Variants in ZSWIM4 observed in about 807,000 individuals in gnomAD.
ZSWIM4 encodes the protein zinc finger SWIM domain-containing protein 4.
In ZSWIM4, 62 loss-of-function variants were observed where a neutral mutation model predicts 102.5. The observed-to-expected ratio is 0.60, with a 90% CI of 0.49 to 0.75. The LOEUF is 0.75. Ranked by LOEUF, ZSWIM4 falls within the 30% of genes least tolerant of loss-of-function variation. The pLI is 0.00. For missense variants in ZSWIM4, 1,280 were observed against 1,529.6 expected (o/e 0.84, Z 2.72); for synonymous variants, 652 against 674.5 (o/e 0.97, Z 0.52).
chr19:13,811,584 A>G (rs1025016451), intron 5 of ZSWIM4, among the ~76,000 whole-genome samples: 2 of 152,226 alleles, frequency 1.3e-5, no homozygotes, highest in South Asian at 2.1e-4. Context: ...ACTCCCTACT[A>G]CTTGGAAGGC....
At chr19:13,817,103 G>T in intron 7 of ZSWIM4, 113 bp from the exon 8 acceptor site, 1 of 1,409,888 alleles carries the variant, frequency 7.1e-7, no homozygotes, top group East Asian at 2.3e-5. Context: ...TGGGTGAGCA[G>T]GTGGTGGGCA....
chr19:13,817,773 GGA>G lies in ZSWIM4; in HGVS notation c.1723_1724del (p.Ser575ProfsTer51). On this transcript the variant is annotated frameshift_variant, in exon 9 of 14. Transcript: ENST00000590508. LOFTEE classifies it high-confidence loss of function. ...GCCTACCAGCACGTGCCTGTGCCCG[GGA>G]GCCCTGGGGAGTCCTACTTGGTGCT... The G allele has an allele frequency of 6.2e-7, 1 of 1,601,124 alleles. No homozygotes were observed. The highest frequency in any genetic ancestry group is 8.5e-7 in the Non-Finnish European group (1 of 1,175,212).
intron 13 of ZSWIM4, among the ~76,000 whole-genome samples, chr19:13,829,077 C>T (rs1176646756): frequency 6.6e-6 from 1 of 151,348 alleles, no homozygotes; most frequent in East Asian, 1.9e-4. Context: ...GCACTCCAGC[C>T]TGGGCAACAG....
At chr19:13,830,118 G>T in intron 13 of ZSWIM4, 73 bp from the exon 14 acceptor site, 1 of 1,543,354 alleles carries the variant, frequency 6.5e-7, no homozygotes, top group East Asian at 2.3e-5. Flanking sequence ...GCAGTGTCAT[G>T]GTTAACCCAC....
rs1290379623 is a variant in ZSWIM4 at position 13,832,050 on chromosome 19, T to G, written c.*1000T>G. 1 of 145,954 alleles carries G rather than the reference T, an allele frequency of 6.9e-6. No homozygotes were observed. Among genetic ancestry groups the G allele is most frequent in the Non-Finnish European group, 1.5e-5 (1 of 66,666 alleles). The allele number at this position is 145,954 out of a possible 1,614,324, so 9.0% of individuals were successfully genotyped here. A position where few individuals can be genotyped will look rare whatever the true frequency, so the allele number is the denominator to read the frequency against. ...CACCCCCACATCTTTTCCCTTCTTG[T>G]ATATTAAGGACAAAATACCACATCA... On this transcript the variant is annotated 3_prime_UTR_variant, in exon 14 of 14. Transcript: ENST00000590508.
intron 5 of ZSWIM4, 34 bp from the exon 6 acceptor site, chr19:13,812,963 G>T: frequency 6.4e-7 from 1 of 1,568,442 alleles, no homozygotes; most frequent in Non-Finnish European, 8.7e-7. Context: ...GCCACTGTTG[G>T]CAGGAATATT....
At chr19:13,807,547 A>T (rs910693832) in intron 3 of ZSWIM4, among the ~76,000 whole-genome samples, 1 of 151,398 alleles carries the variant, frequency 6.6e-6, no homozygotes, top group African/African-American at 2.4e-5. Context: ...AAATGGATGA[A>T]TGAGCTCCTG....
intron 5 of ZSWIM4, 79 bp from the exon 6 acceptor site, chr19:13,812,918 G>A: frequency 6.9e-7 from 1 of 1,454,108 alleles, no homozygotes; most frequent in Non-Finnish European, 9.4e-7. Context: ...ATCATCAGGT[G>A]GCACACAGTG....
chr19:13,807,481 T>A (rs1162137578), intron 3 of ZSWIM4, among the ~76,000 whole-genome samples: 2 of 151,784 alleles, frequency 1.3e-5, no homozygotes, highest in East Asian at 3.9e-4. Context: ...AGATGTGTAG[T>A]GTTTCAGGAG....
chr19:13,817,931 C>G lies in ZSWIM4; in HGVS notation c.1879C>G (p.Arg627Gly). 1 of 1,542,616 alleles carries G rather than the reference C, an allele frequency of 6.5e-7. No individual in the cohort carries two copies. The highest frequency in any genetic ancestry group is 1.2e-5 in the South Asian group (1 of 82,648). ...ALLEEVELDE[R>G]LVQVLRKQAG... Reference sequence around the variant, plus strand: ...GCTGGAGGAGGTGGAGTTGGATGAGCGGTTGGTGCAGGTGCTGCGCAAGCA... The same window carrying G: ...GCTGGAGGAGGTGGAGTTGGATGAGGGGTTGGTGCAGGTGCTGCGCAAGCA... The change falls in exon 9 of 14, where the codon CGG (arginine) becomes GGG (glycine). Residue 627 changes from arginine (R) to glycine (G), a missense_variant. Coordinates refer to ENST00000590508, the MANE Select transcript of ZSWIM4 (RefSeq NM_001367834.3).
rs115621441 is a variant in ZSWIM4, at chr19:13,817,855, G to A, written c.1803G>A (p.Gly601=). 1.0e-3 allele frequency: 1,604 copies of A among 1,559,130 alleles called. 13 individuals carry two copies. In the African/African-American group the frequency reaches 0.019, roughly 19 times the overall value. ...GGCAGCAGCGGGCCCTGCCGGAGGG[G>A]CTGTACGCCCAGGACAAGGTGGTGC... ...GLGQQRALPE[G]LYAQDKVVRN... is the part of the protein sequence containing the mutation. Residue 601 remains glycine (G), a synonymous_variant, in exon 9 of 14, where the codon GGG becomes GGA. Coordinates refer to ENST00000590508, the MANE Select transcript of ZSWIM4 (RefSeq NM_001367834.3).
At chr19:13,796,750 T>G (rs1974622479) in intron 1 of ZSWIM4, 1 of 152,282 alleles carries the variant, frequency 6.6e-6, no homozygotes, top group Non-Finnish European at 1.5e-5. Context: ...GTCCCCTTTT[T>G]CAGCTTCAGT....
In ZSWIM4 at chr19:13,831,220, G is replaced by C; in HGVS notation, c.*170G>C. 1.2e-6 allele frequency: 1 copy of C among 825,046 alleles called. No individual in the cohort carries two copies. The highest frequency in any genetic ancestry group is 1.8e-6 in the Non-Finnish European group (1 of 549,676). The allele number at this position is 825,046 out of a possible 1,614,324, so 51.1% of individuals were successfully genotyped here. ...CTGCCACGTGTGTGCCTGGGAGTCT[G>C]TGAGCAAGTGTGCAAGACTCCAGAA... is the stretch of plus-strand genomic sequence containing the variant. On this transcript the variant is annotated 3_prime_UTR_variant, in exon 14 of 14. Coordinates refer to ENST00000590508, the MANE Select transcript of ZSWIM4 (RefSeq NM_001367834.3).
At chr19:13,808,515 C>T (rs1391909023) in intron 3 of ZSWIM4, among the ~76,000 whole-genome samples, 2 of 151,876 alleles carry the variant, frequency 1.3e-5, no homozygotes, top group African/African-American at 4.8e-5. Flanking sequence ...GCGGGTGGAT[C>T]ACCTGAGGTC....
At position 13,795,669 on chromosome 19, in the gene ZSWIM4, G is replaced by A. The variant is rs1179671481; in HGVS notation, c.21G>A (p.Lys7=). MEPPAA[K]RSRGCPAGPE... is the part of the protein sequence containing the mutation. The stretch of plus-strand genomic sequence containing the variant: ...GCCGGATGGAACCCCCCGCGGCCAA[G>A]CGGAGCCGGGGCTGCCCCGCGGGAC... The change falls in exon 1 of 14, where the codon AAG becomes AAA. Residue 7 remains lysine (K), a synonymous_variant. Transcript: ENST00000590508. 2.1e-6 allele frequency: 2 copies of A among 955,138 alleles called. No homozygotes were observed. Among genetic ancestry groups the A allele is most frequent in the African/African-American group, 3.4e-5 (2 of 58,036 alleles). The allele number at this position is 955,138 out of a possible 1,614,324, so 59.2% of individuals were successfully genotyped here. A position where few individuals can be genotyped will look rare whatever the true frequency, so the allele number is the denominator to read the frequency against.
At chr19:13,821,652 TCCTCCCACCTAAG>T (rs1211516614) in intron 10 of ZSWIM4, among the ~76,000 whole-genome samples, 2 of 151,996 alleles carry the variant, frequency 1.3e-5, no homozygotes, top group African/African-American at 2.4e-5. Context: ...GCTCAAAGGA[TCCTCCCACCTAAG>T]CCTCCCACCA....
At chr19:13,824,410 A>G (rs1975550306) in intron 11 of ZSWIM4, among the ~76,000 whole-genome samples, 1 of 152,024 alleles carries the variant, frequency 6.6e-6, no homozygotes, top group Non-Finnish European at 1.5e-5. Flanking sequence ...CAGCCTGGCC[A>G]ATATGGTGAA....
In ZSWIM4 at chr19:13,814,495, T is replaced by C. The variant is rs1599599744; in HGVS notation, c.1181-20T>C. The C allele has an allele frequency of 1.8e-6, 2 of 1,142,548 alleles. No homozygotes were observed. The highest frequency in any genetic ancestry group is 4.0e-5 in the Admixed American group (1 of 25,238). 70.8% of individuals were successfully genotyped at this position (1,142,548 alleles called of 1,614,324 possible). ...ATAGGGACCCCCCCTCACTGAGCCA[T>C]GTTGGGTGCCTCTCTGCAGGCTCGG... On this transcript the variant is annotated intron_variant, in intron 6 of 13. Coordinates refer to ENST00000590508, the MANE Select transcript of ZSWIM4 (RefSeq NM_001367834.3).
In ZSWIM4 at chr19:13,817,270, A is replaced by G; in HGVS notation, c.1586A>G (p.His529Arg). ...ACCAACACCGAAGGATGGGTGGGGC[A>G]CCCCCTGGACCCCATTGGCTGCCTC... ...CITNTEGWVG[H>R]PLDPIGCLCR... The change falls in exon 8 of 14, where the codon CAC becomes CGC. Residue 529 changes from histidine (H) to arginine (R), a missense_variant. Coordinates refer to ENST00000590508, the MANE Select transcript of ZSWIM4 (RefSeq NM_001367834.3). The G allele has an allele frequency of 6.2e-7, 1 of 1,613,686 alleles. No homozygotes were observed. The highest frequency in any genetic ancestry group is 8.5e-7 in the Non-Finnish European group (1 of 1,179,808).
Sources: gnomAD v4.1 joint callset for allele counts (sites outside exome capture counted in the v4.1 genomes callset) on GRCh38, gnomAD v4.1.1 for gene constraint, MANE v1.5 for transcripts, NCBI Gene and HGNC (gene_info 2026-07-23, HGNC 2026-07-21) for gene names.